PHF20: variants seen among roughly 807,000 people sequenced by gnomAD.
PHF20 encodes the protein PHD finger protein 20, also known as glioma-expressed antigen 2.
A neutral mutation model predicts 113.5 loss-of-function variants in PHF20; 23 were observed. That is an observed-to-expected ratio of 0.20 (90% CI 0.15 to 0.29). The LOEUF is 0.29. PHF20 is among the 10% of genes least tolerant of loss of function. The pLI is 1.00. For missense variants in PHF20, 943 were observed against 1,219.6 expected, an observed-to-expected ratio of 0.77 and a Z score of 3.38; for synonymous variants, 434 against 457.3, an observed-to-expected ratio of 0.95 and a Z score of 0.65.
chr20:35,871,908 A>G (rs2054429998), intron 9 of PHF20, 79 bp downstream of exon 9: 2 of 1,016,996 alleles, frequency 2.0e-6, no homozygotes, highest in South Asian at 3.8e-5. Flanking sequence ...AAAAAAAATG[A>G]CTTTTCTGTT....
Position 35,778,043 on chromosome 20 carries a change from G to T in PHF20, c.-33+5964G>T, listed in dbSNP as rs542276253. Among the ~76,000 whole-genome samples the T allele has an allele frequency of 1.4e-4, 21 of 152,074 alleles. No homozygotes were observed. In the East Asian group the frequency reaches 3.9e-3, roughly 28 times the overall value. On this transcript the variant is annotated intron_variant, in intron 1 of 17. Coordinates refer to ENST00000374012, the MANE Select transcript of PHF20 (RefSeq NM_016436.5). ...TCATCTTCCTAAGAAATAATAGGGAGGATGTTTACATTTTTCTTGATAAAG... is the reference window on the plus strand; with the variant it reads ...TCATCTTCCTAAGAAATAATAGGGATGATGTTTACATTTTTCTTGATAAAG...
rs968195321 is a variant in PHF20, at chr20:35,914,011, C to T, written c.1661-22C>T. 5 of 1,612,654 alleles carry T rather than the reference C, an allele frequency of 3.1e-6. No individual in the cohort carries two copies. In the African/African-American group the frequency reaches 6.7e-5, roughly 22 times the overall value. On this transcript the variant is annotated intron_variant, in intron 11 of 17. Transcript: ENST00000374012. ...CAGTGTTAACTAGGGTTATTCATTC[C>T]TTCCTGATCCTGTTCTTCCAGAATG... is the stretch of plus-strand genomic sequence containing the variant.
intron 14 of PHF20, among the ~76,000 whole-genome samples, chr20:35,930,095 TAGGATGGCTGAAGC>T (rs2055723451): frequency 6.6e-6 from 1 of 152,192 alleles, no homozygotes; most frequent in Non-Finnish European, 1.5e-5. Flanking sequence ...CTGTAACAAA[TAGGATGGCTGAAGC>T]CATCCAGTTC....
At chr20:35,941,126 G>C (rs1033785490) in intron 17 of PHF20, 79 bp downstream of exon 17, 1 of 1,208,804 alleles carries the variant, frequency 8.3e-7, no homozygotes, top group African/African-American at 1.5e-5. Flanking sequence ...GAACCCCCCA[G>C]TCTGAGTTTA....
At chr20:35,917,752 C>T in intron 13 of PHF20, 90 bp downstream of exon 13, 1 of 1,109,904 alleles carries the variant, frequency 9.0e-7, no homozygotes, top group Non-Finnish European at 1.3e-6. Flanking sequence ...CAAGTCATAG[C>T]AGAGCCCCAG....
At chr20:35,854,602 T>TGATTAAAGGG (rs113848151) in intron 4 of PHF20, among the ~76,000 whole-genome samples, 7,388 of 152,234 alleles carry the variant, frequency 0.049, 226 homozygotes, top group African/African-American at 0.099. Flanking sequence ...GTGTTTAGCA[T>TGATTAAAGGG]GAAAGTTTCA....
chr20:35,834,300 T>C (rs1212538713), intron 2 of PHF20, among the ~76,000 whole-genome samples: 1 of 147,296 alleles, frequency 6.8e-6, no homozygotes, highest in African/African-American at 2.5e-5. Flanking sequence ...TTTCCCAGTC[T>C]GGAGTGCAGT....
At chr20:35,801,895 T>C in intron 2 of PHF20, 1 of 237,522 alleles carries the variant, frequency 4.2e-6, no homozygotes, top group East Asian at 9.1e-5. Context: ...TAGTGGCAGC[T>C]CTCTTGCTCC....
intron 2 of PHF20, among the ~76,000 whole-genome samples, chr20:35,829,583 G>A (rs2042322454): frequency 6.6e-6 from 1 of 150,774 alleles, no homozygotes; most frequent in Non-Finnish European, 1.5e-5. Context: ...CTCACCTTTG[G>A]TGATCCACCT....
At chr20:35,937,885 G>T (rs6060700) in intron 15 of PHF20, among the ~76,000 whole-genome samples, 39,415 of 151,484 alleles carry the variant, frequency 0.26, 6,156 homozygotes, top group African/African-American at 0.45. Flanking sequence ...GTTTTGTTTT[G>T]TTTTTTGAGA....
intron 2 of PHF20, among the ~76,000 whole-genome samples, chr20:35,811,296 C>T (rs1378219754): frequency 3.3e-5 from 5 of 152,234 alleles, no homozygotes; most frequent in Middle Eastern, 6.8e-3. Flanking sequence ...CTGTCCACCT[C>T]GGCCTCCCAA....
At chr20:35,863,785 A>G (rs1232743531) in intron 6 of PHF20, among the ~76,000 whole-genome samples, 1 of 152,206 alleles carries the variant, frequency 6.6e-6, no homozygotes, top group Non-Finnish European at 1.5e-5. Flanking sequence ...AAAGAAAAGT[A>G]ATAGTAAAAA....
At chr20:35,947,446 G>T (rs753812476) in intron 17 of PHF20, 39 bp from the exon 18 acceptor site, 1 of 1,599,938 alleles carries the variant, frequency 6.3e-7, no homozygotes, top group Non-Finnish European at 8.6e-7. Context: ...ATCAAGTGTT[G>T]GGAGTTCACT....
chr20:35,809,862 A>G (rs993888393), intron 2 of PHF20, among the ~76,000 whole-genome samples: 1 of 152,180 alleles, frequency 6.6e-6, no homozygotes, highest in Non-Finnish European at 1.5e-5. Context: ...GTGGCAGTCA[A>G]ATGCCTAGGC....
chr20:35,844,493 G>A lies in PHF20; in HGVS notation c.255+1749G>A, dbSNP rs189535935. Among the ~76,000 whole-genome samples the A allele has an allele frequency of 2.6e-5, 3 of 115,566 alleles. No individual in the cohort carries two copies. In the East Asian group the frequency reaches 7.5e-4, roughly 29 times the overall value. 75.8% of individuals were successfully genotyped at this position (115,566 alleles called of 152,430 possible). On this transcript the variant is annotated intron_variant, in intron 3 of 17. Transcript: ENST00000374012. The stretch of plus-strand genomic sequence containing the variant: ...AAAGATTTGTCAAGCTCCTCACTCT[G>A]TCATTATAAAATTCCCACCCTGAGA...
At chr20:35,910,057 C>T (rs1417619935) in intron 10 of PHF20, among the ~76,000 whole-genome samples, 1 of 152,220 alleles carries the variant, frequency 6.6e-6, no homozygotes, top group Non-Finnish European at 1.5e-5. Flanking sequence ...TCTACCCTGC[C>T]TCACACCTGC....
chr20:35,927,037 G>A (rs1167808473), intron 13 of PHF20, among the ~76,000 whole-genome samples: 1 of 152,082 alleles, frequency 6.6e-6, no homozygotes, highest in Admixed American at 6.6e-5. Context: ...GTCTCCCAGT[G>A]CAACCCTCAT....
chr20:35,864,292 T>C (rs2054272847), intron 6 of PHF20, among the ~76,000 whole-genome samples: 1 of 152,108 alleles, frequency 6.6e-6, no homozygotes, highest in South Asian at 2.1e-4. Context: ...ACATGAAGGC[T>C]GAGTGCGTTG....
chr20:35,850,782 C>G (rs770382954), intron 4 of PHF20: 47 of 705,082 alleles, frequency 6.7e-5, no homozygotes, highest in Non-Finnish European at 1.0e-4. Flanking sequence ...GAAAGTGGGT[C>G]CACTAGCTAA....
Sources: allele counts gnomAD v4.1 joint callset (sites outside exome capture counted in the v4.1 genomes callset), GRCh38; gene constraint gnomAD v4.1.1; transcripts MANE v1.5; gene names NCBI Gene and HGNC (gene_info 2026-07-23, HGNC 2026-07-21).